The following MTHFD1L variants were observed in gnomAD, a reference collection of about 807,000 sequenced individuals.
MTHFD1L encodes monofunctional C1-tetrahydrofolate synthase, mitochondrial.
Under a neutral mutation model 119.5 loss-of-function variants are expected in MTHFD1L, and 81 were observed. The observed-to-expected ratio is 0.68, with a 90% CI of 0.57 to 0.82. The LOEUF is 0.82. Among genes scored for constraint, MTHFD1L ranks in the 40% least tolerant of loss-of-function variants. The pLI is 0.00. For synonymous variants in MTHFD1L, 430 were observed against 475.2 expected (o/e 0.90, Z 1.24); for missense variants, 1,125 against 1,253.4 (o/e 0.90, Z 1.55).
chr6:150,936,940 G>A lies in MTHFD1L; in HGVS notation c.1393G>A (p.Gly465Arg). 3.1e-6 allele frequency: 5 copies of A among 1,613,976 alleles called. No homozygotes were observed. Among genetic ancestry groups the A allele is most frequent in the Non-Finnish European group, 4.2e-6 (5 of 1,179,916 alleles). ...CCAAGGACCGACGTTTGGAGTGAAAGGTACTGTCTTTAACAACTAGTGTAC... is the reference window on the plus strand; with the variant it reads ...CCAAGGACCGACGTTTGGAGTGAAAAGTACTGTCTTTAACAACTAGTGTAC... Reference protein sequence around the residue: ...PSQGPTFGVKGGAAGGGYAQV... With the variant: ...PSQGPTFGVKRGAAGGGYAQV... The change falls in exon 12 of 28, where the codon GGA becomes AGA. Residue 465 changes from glycine to arginine, a missense_variant and splice_region_variant. Physicochemically the swap from Gly to Arg is moderately radical, Grantham distance 125. This residue lies in a region of MTHFD1L where 1,058 missense variants were observed against 1,151.2 expected (regional missense o/e 0.92). Coordinates refer to ENST00000367321, the MANE Select transcript of MTHFD1L (RefSeq NM_015440.5).
intron 7 of MTHFD1L, among the ~76,000 whole-genome samples, chr6:150,900,245 T>C (rs941562699): frequency 6.6e-6 from 1 of 152,094 alleles, no homozygotes; most frequent in African/African-American, 2.4e-5. Flanking sequence ...TTTTTGCTTT[T>C]ATCTTGCTTG....
intron 11 of MTHFD1L, among the ~76,000 whole-genome samples, chr6:150,932,820 A>G (rs6908945): frequency 0.14 from 13,236 of 92,128 alleles, 810 homozygotes; most frequent in African/African-American, 0.23. Context: ...GGGAGGGAGG[A>G]AGGAAGGAAG....
intron 18 of MTHFD1L, among the ~76,000 whole-genome samples, chr6:150,962,914 CTTTTTTTTTTTT>C (rs4035893): frequency 1.5e-3 from 174 of 114,148 alleles, no homozygotes; most frequent in African/African-American, 5.6e-3. Flanking sequence ...CTTTTCTTTT[CTTTTTTTTTTTT>C]TTTTTTTGAG....
Position 150,915,342 on chromosome 6 carries a change from T to C in MTHFD1L, c.893-3235T>C, listed in dbSNP as rs527513977. Among the ~76,000 whole-genome samples the C allele has an allele frequency of 2.0e-5, 3 of 152,296 alleles. No individual in the cohort carries two copies. The South Asian group carries it at 6.2e-4, about 32-fold the overall frequency. On this transcript the variant is annotated intron_variant, in intron 8 of 27. Transcript: ENST00000367321. ...GCCCAAGACAATTCTTCTTCCAGTG[T>C]GGCCCAGGGAAGCCAAAAGATTACA... is the stretch of plus-strand genomic sequence containing the variant.
At chr6:150,880,235 G>A (rs1781181927) in intron 4 of MTHFD1L, among the ~76,000 whole-genome samples, 1 of 152,050 alleles carries the variant, frequency 6.6e-6, no homozygotes, top group South Asian at 2.1e-4. Context: ...ACCTACTGAT[G>A]GACCAACCTC....
At chr6:151,069,799 G>T (rs1791755865) in intron 26 of MTHFD1L, among the ~76,000 whole-genome samples, 1 of 152,130 alleles carries the variant, frequency 6.6e-6, no homozygotes, top group Non-Finnish European at 1.5e-5. Context: ...AGGTCCAAGT[G>T]CTCGATCACC....
intron 26 of MTHFD1L, chr6:151,055,662 G>A (rs1789800705): frequency 6.6e-6 from 1 of 152,176 alleles, no homozygotes; most frequent in Non-Finnish European, 1.5e-5. Context: ...CAAGTAGCTG[G>A]GATTGCAGGT....
rs1792153460 is a variant in MTHFD1L, at chr6:150,936,830, G to A, written c.1283G>A (p.Gly428Glu). 1 of 1,613,794 alleles carries A rather than the reference G, an allele frequency of 6.2e-7. No homozygotes were observed. The highest frequency in any genetic ancestry group is 1.3e-5 in the African/African-American group (1 of 74,902). Residue 428 changes from glycine (G) to glutamate (E), a missense_variant, in exon 12 of 28, where the codon GGG becomes GAG. By Grantham distance (98) the Gly-to-Glu change is moderately conservative (BLOSUM62 -2). Transcript: ENST00000367321. ...AGITPTPLGE[G>E]KSTVTIGLVQ... ...ATCACACCCACCCCTCTTGGAGAAG[G>A]GAAGAGCACAGTCACCATCGGGCTT...
intron 27 of MTHFD1L, 100 bp downstream of exon 27, chr6:151,092,687 A>G (rs1047005377): frequency 2.9e-6 from 2 of 680,216 alleles, no homozygotes; most frequent in African/African-American, 1.8e-5. Context: ...GTGATCTGAT[A>G]AATCCTTTCC....
At chr6:150,920,037 G>C (rs1305965678) in intron 9 of MTHFD1L, among the ~76,000 whole-genome samples, 1 of 152,142 alleles carries the variant, frequency 6.6e-6, no homozygotes. Context: ...AGGATGCCTT[G>C]GTTCCTCATC....
At chr6:150,866,592 G>T (rs577238055) in intron 1 of MTHFD1L, 201 of 1,222,886 alleles carry the variant, frequency 1.6e-4, no homozygotes, top group Admixed American at 8.7e-4. Flanking sequence ...CTCCTGCTGG[G>T]CTGGGGTCTG....
At chr6:151,099,706 G>A in intron 27 of MTHFD1L, 1 of 1,610,724 alleles carries the variant, frequency 6.2e-7, no homozygotes, top group Admixed American at 1.7e-5. Flanking sequence ...CACTGGTTAT[G>A]GGAGCAACAA....
At chr6:150,885,156 A>G (rs1458270693) in intron 5 of MTHFD1L, among the ~76,000 whole-genome samples, 2 of 151,028 alleles carry the variant, frequency 1.3e-5, no homozygotes, top group East Asian at 3.9e-4. Context: ...CCTTTATTGA[A>G]TGGCCTTTAT....
chr6:150,928,736 G>C (rs546217329), intron 11 of MTHFD1L, among the ~76,000 whole-genome samples: 1 of 151,976 alleles, frequency 6.6e-6, no homozygotes, highest in East Asian at 2.0e-4. Context: ...TAGAGACGGG[G>C]TTTCGCCACA....
intron 20 of MTHFD1L, among the ~76,000 whole-genome samples, chr6:151,002,282 TG>T (rs1780725091): frequency 1.3e-5 from 2 of 152,314 alleles, no homozygotes; most frequent in African/African-American, 4.8e-5. Context: ...TGTGTGACCT[TG>T]GGGAAAATTA....
intron 17 of MTHFD1L, chr6:150,959,183 C>G: frequency 1.0e-6 from 1 of 984,564 alleles, no homozygotes; most frequent in Non-Finnish European, 1.2e-6. Flanking sequence ...AAATCAGTGA[C>G]TAATGCAATC....
rs774695918 is a variant in MTHFD1L, at chr6:150,903,203, ATTTTTT to A, written c.781-2420_781-2415del. Among the ~76,000 whole-genome samples, 73 of 85,462 alleles carry A rather than the reference ATTTTTT, an allele frequency of 8.5e-4. 1 individual carries two copies. Among genetic ancestry groups the A allele is most frequent in the African/African-American group, 2.9e-3 (57 of 19,978 alleles). 56.1% of individuals were successfully genotyped at this position (85,462 alleles called of 152,430 possible). A position where few individuals can be genotyped will look rare whatever the true frequency, so the allele number is the denominator to read the frequency against. On this transcript the variant is annotated intron_variant, in intron 7 of 27. Transcript: ENST00000367321. ...GATTGCTGGTGATATTGGCTGCAAA[ATTTTTT>A]TTTTTTTTTTTTTTTTTTTTTTTTT...
intron 26 of MTHFD1L, among the ~76,000 whole-genome samples, chr6:151,042,627 T>G (rs1382932888): frequency 1.3e-5 from 2 of 152,214 alleles, no homozygotes; most frequent in Admixed American, 6.5e-5. Flanking sequence ...GATATTGTCT[T>G]TAAGTTTCTA....
chr6:150,901,843 T>C (rs927547767), intron 7 of MTHFD1L, among the ~76,000 whole-genome samples: 1 of 152,252 alleles, frequency 6.6e-6, no homozygotes, highest in Non-Finnish European at 1.5e-5. Flanking sequence ...TCTTTTTTAT[T>C]CAGCTGACCC....
Sources: gnomAD v4.1 joint callset for allele counts (sites outside exome capture counted in the v4.1 genomes callset) on GRCh38, gnomAD v4.1.1 for gene constraint, gnomAD v4.1.1 regional missense constraint, MANE v1.5 for transcripts, NCBI Gene and HGNC (gene_info 2026-07-23, HGNC 2026-07-21) for gene names.